The following PIK3C2A variants were observed in gnomAD, a reference collection of about 807,000 sequenced individuals.
The protein encoded by PIK3C2A is phosphatidylinositol 4-phosphate 3-kinase C2 domain-containing subunit alpha.
PIK3C2A carries 97 observed loss-of-function variants against 204.5 expected under a neutral mutation model. The observed-to-expected ratio is 0.47, with a 90% confidence interval of 0.40 to 0.56. PIK3C2A has a LOEUF of 0.56. PIK3C2A is among the 20% of genes least tolerant of loss of function. The probability of loss-of-function intolerance (pLI) is 0.00; values close to 1 mark genes in which losing one functional copy is unlikely to be tolerated. For synonymous variants in PIK3C2A, 653 were observed against 664.4 expected (o/e 0.98, Z 0.26); for missense variants, 1,735 against 1,969.2 (o/e 0.88, Z 2.25).
intron 1 of PIK3C2A, among the ~76,000 whole-genome samples, chr11:17,182,241 A>C (rs935857487): frequency 6.6e-6 from 1 of 152,192 alleles, no homozygotes; most frequent in Admixed American, 6.5e-5. Flanking sequence ...TTTGTTAAAT[A>C]ATCATATATG....
In PIK3C2A at chr11:17,092,032, G is replaced by C; in HGVS notation, c.4606C>G (p.Arg1536Gly). 3 of 1,611,370 alleles carry C rather than the reference G, an allele frequency of 1.9e-6. No homozygotes were observed. The highest frequency in any genetic ancestry group is 2.5e-6 in the Non-Finnish European group (3 of 1,177,614). ...GCTATCCCTTCAGCTTTCTCATCAC[G>C]AAGTAAAGGGTGGAAGAAAGTACAA... ...LVCTFFHPLL[R>G]DEKAEGIARS... is the part of the protein sequence containing the mutation. Residue 1536 changes from arginine to glycine, a missense_variant, in exon 30 of 33, where the codon CGT becomes GGT. This residue lies in a region of PIK3C2A where 503 missense variants were observed against 669.0 expected (regional missense o/e 0.75). Coordinates refer to ENST00000691414, the MANE Select transcript of PIK3C2A (RefSeq NM_002645.4).
intron 1 of PIK3C2A, among the ~76,000 whole-genome samples, chr11:17,177,684 G>C (rs1390998646): frequency 6.6e-6 from 1 of 152,152 alleles, no homozygotes; most frequent in East Asian, 1.9e-4. Context: ...AATGTCATCT[G>C]ATGAAAGAAA....
chr11:17,154,179 G>C (rs921250768), intron 3 of PIK3C2A, among the ~76,000 whole-genome samples: 5 of 152,040 alleles, frequency 3.3e-5, no homozygotes, highest in African/African-American at 1.2e-4. Flanking sequence ...AAAAAGGTAG[G>C]TCTCAGAGAG....
intron 13 of PIK3C2A, among the ~76,000 whole-genome samples, chr11:17,125,407 A>G (rs900368229): frequency 3.9e-5 from 6 of 152,242 alleles, no homozygotes; most frequent in Admixed American, 3.3e-4. Context: ...TGAAATGTCA[A>G]TACTGCCAAG....
At chr11:17,090,701 G>C (rs1207394627) in intron 32 of PIK3C2A, among the ~76,000 whole-genome samples, 10 of 151,794 alleles carry the variant, frequency 6.6e-5, no homozygotes, top group Admixed American at 5.9e-4. Flanking sequence ...GGTGTACACT[G>C]TATAACAAAT....
chr11:17,193,703 G>A (rs889718799), intron 1 of PIK3C2A: 6 of 235,352 alleles, frequency 2.5e-5, no homozygotes, highest in Non-Finnish European at 5.0e-5. Context: ...AAAATTAGCG[G>A]GGCATGATGG....
Position 17,119,283 on chromosome 11 carries a change from A to C in PIK3C2A, c.2877T>G (p.Ala959=). 1 of 1,606,194 alleles carries C rather than the reference A, an allele frequency of 6.2e-7. No individual in the cohort carries two copies. Among genetic ancestry groups the C allele is most frequent in the Non-Finnish European group, 8.5e-7 (1 of 1,173,506 alleles). The part of the protein sequence containing the change: ...KFADQEVRSL[A]VTWIEAISDD... The stretch of plus-strand genomic sequence containing the variant: ...CACTAATGGCCTCAATCCAGGTCAC[A>C]GCTAGGGATCTTACTTCCTGATCAG... The change falls in exon 17 of 33, where the codon GCT becomes GCG. Residue 959 remains alanine (A), a synonymous_variant. Coordinates refer to ENST00000691414, the MANE Select transcript of PIK3C2A (RefSeq NM_002645.4).
At chr11:17,155,822 T>C (rs1850572491) in intron 2 of PIK3C2A, among the ~76,000 whole-genome samples, 193 bp from the exon 3 acceptor site, 1 of 152,226 alleles carries the variant, frequency 6.6e-6, no homozygotes, top group African/African-American at 2.4e-5. Context: ...TTATTTTCGT[T>C]CCTTGGTTTT....
intron 2 of PIK3C2A, among the ~76,000 whole-genome samples, chr11:17,159,417 T>G (rs1323575988): frequency 6.6e-6 from 1 of 152,210 alleles, no homozygotes; most frequent in Non-Finnish European, 1.5e-5. Context: ...GATACAAAGT[T>G]CTCTAGTAAA....
chr11:17,115,870 A>G (rs539472394), intron 19 of PIK3C2A: 1 of 152,344 alleles, frequency 6.6e-6, no homozygotes, highest in East Asian at 1.9e-4. Flanking sequence ...TCAAAAGAAT[A>G]AAGTTGGGCC....
chr11:17,103,295 T>A (rs1848702077), intron 23 of PIK3C2A, among the ~76,000 whole-genome samples: 1 of 152,040 alleles, frequency 6.6e-6, no homozygotes, highest in Non-Finnish European at 1.5e-5. Flanking sequence ...ACAAGTAATG[T>A]GTTTTGTTTC....
chr11:17,201,211 TAAAAATAAAA>T (rs1768903008), intron 1 of PIK3C2A, among the ~76,000 whole-genome samples: 1 of 142,692 alleles, frequency 7.0e-6, no homozygotes, highest in South Asian at 2.2e-4. Flanking sequence ...ATCTAAAAAA[TAAAAATAAAA>T]AATAAGCCTT....
intron 6 of PIK3C2A, 96 bp from the exon 7 acceptor site, chr11:17,146,038 C>G (rs773715816): frequency 1.2e-6 from 1 of 805,812 alleles, no homozygotes; most frequent in Non-Finnish European, 2.0e-6. Context: ...AATCTTGCAA[C>G]TAAAGTGTTT....
At chr11:17,128,560 A>G (rs1448371948) in intron 13 of PIK3C2A, among the ~76,000 whole-genome samples, 1 of 152,206 alleles carries the variant, frequency 6.6e-6, no homozygotes, top group Non-Finnish European at 1.5e-5. Context: ...TAATATGCCA[A>G]TGTGCATCAT....
intron 20 of PIK3C2A, among the ~76,000 whole-genome samples, chr11:17,112,878 T>C (rs1389414496): frequency 6.0e-5 from 9 of 151,242 alleles, no homozygotes. Context: ...CTCTAACTCC[T>C]GGGCTCAAGT....
At chr11:17,180,619 C>T (rs1452401780) in intron 1 of PIK3C2A, among the ~76,000 whole-genome samples, 2 of 151,524 alleles carry the variant, frequency 1.3e-5, no homozygotes, top group African/African-American at 2.4e-5. Context: ...GTCAGGAGTT[C>T]GAGACCAGCC....
rs1396634703 is a variant in PIK3C2A, at chr11:17,119,915, G to C, written c.2717C>G (p.Pro906Arg). The C allele has an allele frequency of 6.2e-7, 1 of 1,609,780 alleles. No individual in the cohort carries two copies. The highest frequency in any genetic ancestry group is 2.2e-5 in the East Asian group (1 of 44,712). Reference sequence around the variant, plus strand: ...TGCTAATATTTTAGGAAGACAATTTGGGTGTTTGAAGCAATAATAACGTTT... The same window carrying C: ...TGCTAATATTTTAGGAAGACAATTTCGGTGTTTGAAGCAATAATAACGTTT... ...WEKRYYCFKH[P>R]NCLPKILASA... The change falls in exon 16 of 33, where the codon CCA becomes CGA. Residue 906 changes from proline (P) to arginine (R), a missense_variant. Pro to Arg is a moderately radical substitution (Grantham distance 103, BLOSUM62 -2). This residue lies in a region of PIK3C2A where 567 missense variants were observed against 576.0 expected (regional missense o/e 0.98). Transcript: ENST00000691414.
chr11:17,104,140 T>C (rs1848728438), intron 23 of PIK3C2A, among the ~76,000 whole-genome samples: 1 of 152,178 alleles, frequency 6.6e-6, no homozygotes, highest in South Asian at 2.1e-4. Flanking sequence ...ACATCACCAC[T>C]CAGTTTTCTT....
intron 14 of PIK3C2A, 47 bp from the exon 15 acceptor site, chr11:17,122,380 CCACATTAACCTCTTTGTCTT>C: frequency 8.7e-7 from 1 of 1,142,862 alleles, no homozygotes; most frequent in Non-Finnish European, 1.3e-6. Flanking sequence ...TACGTATTTG[CCACATTAACCTCTTTGTCTT>C]TAAGAAAACA....
Sources: allele counts gnomAD v4.1 joint callset (sites outside exome capture counted in the v4.1 genomes callset), GRCh38; gene constraint gnomAD v4.1.1; regional missense constraint gnomAD v4.1.1; transcripts MANE v1.5; gene names NCBI Gene and HGNC (gene_info 2026-07-23, HGNC 2026-07-21).